Variants in STPG2 observed in about 807,000 individuals in gnomAD.
STPG2 encodes sperm-tail PG-rich repeat-containing protein 2.
In STPG2, 56 loss-of-function variants were observed where a neutral mutation model predicts 54.2. The ratio of observed to expected loss-of-function variants is 1.03; its 90% CI spans 0.83 to 1.29. STPG2 has a LOEUF of 1.29. Among genes scored for constraint, STPG2 ranks in the 50% most tolerant of loss-of-function variants. The probability of loss-of-function intolerance (pLI) is 0.00; values close to 1 mark genes in which losing one functional copy is unlikely to be tolerated. For synonymous variants in STPG2, 200 were observed against 181.8 expected (o/e 1.10, Z -0.81); for missense variants, 596 against 544.9 (o/e 1.09, Z -0.93).
At chr4:98,105,137 C>A (rs1311506990) in intron 5 of STPG2, among the ~76,000 whole-genome samples, 1 of 152,244 alleles carries the variant, frequency 6.6e-6, no homozygotes, top group African/African-American at 2.4e-5. Flanking sequence ...TCCTGTGTGT[C>A]ATTTCCCTGT....
chr4:98,081,436 C>T (rs1315077530), intron 5 of STPG2, among the ~76,000 whole-genome samples: 1 of 151,882 alleles, frequency 6.6e-6, no homozygotes, highest in Non-Finnish European at 1.5e-5. Flanking sequence ...TAAGGGGGTT[C>T]TCTTGTGAAA....
chr4:97,801,914 C>G lies in STPG2; in HGVS notation c.1204+38859G>C, dbSNP rs1040114134. ...TGGCATAACAGGAATTACAATGTAA[C>G]GTTAACTTTACATCAAATAAGACTA... On this transcript the variant is annotated intron_variant, in intron 9 of 10. Transcript: ENST00000295268. Among the ~76,000 whole-genome samples the G allele has an allele frequency of 1.3e-5, 2 of 152,218 alleles. 1 individual carries two copies. Among genetic ancestry groups the G allele is most frequent in the East Asian group, 3.9e-4 (2 of 5,168 alleles).
At chr4:97,571,688 C>A (rs1397238100) in intron 10 of STPG2, among the ~76,000 whole-genome samples, 1 of 152,138 alleles carries the variant, frequency 6.6e-6, no homozygotes, top group Non-Finnish European at 1.5e-5. Context: ...CAATGTATTT[C>A]TTAAATGTAT....
intron 4 of STPG2, among the ~76,000 whole-genome samples, chr4:97,483,930 A>G (rs562108466): frequency 3.9e-5 from 6 of 152,032 alleles, no homozygotes; most frequent in African/African-American, 1.4e-4. Context: ...GAACTTCAAA[A>G]CCATGCAAAT....
rs1294616701 is a variant in STPG2 at position 97,654,073 on chromosome 4, A to G, written c.1320+58626T>C. Reference sequence around the variant, plus strand: ...CATTCCAGGGTGCTTGTGTTTTACTATGTGAGAAGGCAGAGTAGCTTTGGA... The same window carrying G: ...CATTCCAGGGTGCTTGTGTTTTACTGTGTGAGAAGGCAGAGTAGCTTTGGA... On this transcript the variant is annotated intron_variant, in intron 10 of 10. Transcript: ENST00000295268. Among the ~76,000 whole-genome samples, 3 of 152,302 alleles carry G rather than the reference A, an allele frequency of 2.0e-5. 1 individual carries two copies. The highest frequency in any genetic ancestry group is 4.1e-4 in the South Asian group (2 of 4,834).
At chr4:97,854,962 C>G (rs1256265987) in intron 8 of STPG2, among the ~76,000 whole-genome samples, 2 of 152,176 alleles carry the variant, frequency 1.3e-5, no homozygotes, top group Non-Finnish European at 2.9e-5. Flanking sequence ...TCCACGTGTT[C>G]TCATCGTTCA....
intron 4 of STPG2, among the ~76,000 whole-genome samples, chr4:97,527,127 C>A (rs1193806968): frequency 6.6e-6 from 1 of 151,790 alleles, no homozygotes; most frequent in Non-Finnish European, 1.5e-5. Context: ...TTAGGTATTT[C>A]TCCTAGTGCT....
intron 4 of STPG2, among the ~76,000 whole-genome samples, chr4:97,452,101 A>G (rs1315354024): frequency 2.6e-5 from 3 of 116,548 alleles, no homozygotes; most frequent in South Asian, 3.3e-4. Flanking sequence ...TCCATAGAGC[A>G]GGCAGGAGCC....
chr4:97,825,966 T>C (rs940726019), intron 9 of STPG2, among the ~76,000 whole-genome samples: 1 of 152,198 alleles, frequency 6.6e-6, no homozygotes, highest in African/African-American at 2.4e-5. Flanking sequence ...ATAAACTGAT[T>C]CTTTGACTTT....
chr4:97,923,292 T>G (rs1732187137), intron 8 of STPG2, among the ~76,000 whole-genome samples: 1 of 120,602 alleles, frequency 8.3e-6, no homozygotes, highest in Non-Finnish European at 1.8e-5. Flanking sequence ...TGCGCAGCGC[T>G]TCCCCTCCCA....
intron 4 of STPG2, among the ~76,000 whole-genome samples, chr4:97,536,125 G>T (rs1731524207): frequency 6.6e-6 from 1 of 152,122 alleles, no homozygotes; most frequent in Non-Finnish European, 1.5e-5. Flanking sequence ...ATAGGTGCAT[G>T]CCACCATGCC....
intron 4 of STPG2, among the ~76,000 whole-genome samples, chr4:97,486,830 T>TGTGTTTGTATAC (rs1491448863): frequency 3.2e-5 from 3 of 92,420 alleles, no homozygotes; most frequent in African/African-American, 1.3e-4. Context: ...TGTGTGTGTG[T>TGTGTTTGTATAC]ATATATATAT....
At chr4:97,722,892 G>A (rs2149017508) in intron 9 of STPG2, among the ~76,000 whole-genome samples, 1 of 150,364 alleles carries the variant, frequency 6.7e-6, no homozygotes, top group South Asian at 2.1e-4. Context: ...TAGTCTCCCG[G>A]GTTCACGCCA....
chr4:97,917,874 C>A (rs183595539), intron 8 of STPG2, among the ~76,000 whole-genome samples: 13 of 152,160 alleles, frequency 8.5e-5, no homozygotes, highest in Admixed American at 8.5e-4. Flanking sequence ...ATAACTATAT[C>A]CATTCCACCG....
chr4:98,024,266 T>C (rs757565055), intron 5 of STPG2, among the ~76,000 whole-genome samples: 17 of 152,218 alleles, frequency 1.1e-4, no homozygotes, highest in Non-Finnish European at 1.6e-4. Flanking sequence ...GAGTGTGCAT[T>C]GGAAACTCCT....
At chr4:97,522,496 A>AT (rs1731203641) in intron 4 of STPG2, among the ~76,000 whole-genome samples, 1 of 151,964 alleles carries the variant, frequency 6.6e-6, no homozygotes, top group Non-Finnish European at 1.5e-5. Context: ...AAACTTAATT[A>AT]TTTTTTTCAC....
intron 2 of STPG2, 109 bp from the exon 3 acceptor site, chr4:98,128,701 G>A: frequency 2.3e-6 from 2 of 877,644 alleles, no homozygotes; most frequent in Non-Finnish European, 3.3e-6. Context: ...GATTTAATGA[G>A]TTTCATGATA....
chr4:97,938,770 C>T (rs1277911759), intron 8 of STPG2, among the ~76,000 whole-genome samples: 2 of 152,076 alleles, frequency 1.3e-5, no homozygotes, highest in African/African-American at 4.8e-5. Flanking sequence ...CATTGCTCTC[C>T]ATTGGTCATG....
intron 8 of STPG2, among the ~76,000 whole-genome samples, chr4:97,898,317 C>A (rs921597715): frequency 7.3e-5 from 11 of 151,008 alleles, no homozygotes; most frequent in Non-Finnish European, 1.2e-4. Context: ...CTTCAATGAT[C>A]ATGTGTTACT....
Sources: allele counts gnomAD v4.1 joint callset (sites outside exome capture counted in the v4.1 genomes callset), GRCh38; gene constraint gnomAD v4.1.1; transcripts MANE v1.5; gene names NCBI Gene and HGNC (gene_info 2026-07-23, HGNC 2026-07-21).